PPHLN1: variants seen among roughly 807,000 people sequenced by gnomAD.
PPHLN1 encodes the protein periphilin 1, also known as periphilin-1.
A neutral mutation model predicts 51.3 loss-of-function variants in PPHLN1; 29 were observed. The observed-to-expected ratio is 0.57, with a 90% CI of 0.42 to 0.77. The LOEUF (loss-of-function observed/expected upper bound fraction) is 0.77. PPHLN1 is among the 30% of genes least tolerant of loss of function. The pLI is 0.00. For synonymous variants in PPHLN1, 147 were observed against 147.8 expected (o/e 0.99, Z 0.04); for missense variants, 436 against 438.4 (o/e 0.99, Z 0.05).
At chr12:42,446,326 AC>A (rs755409709), downstream of PPHLN1, 5 of 1,541,006 alleles carry the variant, frequency 3.2e-6, no homozygotes, top group Non-Finnish European at 2.6e-6. Context: ...TTTGCCTGTT[AC>A]CCGTACCTAC....
intron 4 of PPHLN1, among the ~76,000 whole-genome samples, chr12:42,366,974 G>T (rs7134895): frequency 1.1e-4 from 17 of 151,812 alleles, no homozygotes; most frequent in Non-Finnish European, 2.2e-4. Flanking sequence ...TTCTCTCTCT[G>T]TACACAGCCA....
intron 9 of PPHLN1, among the ~76,000 whole-genome samples, chr12:42,430,037 G>A (rs2081893134): frequency 6.6e-6 from 1 of 152,146 alleles, no homozygotes; most frequent in Non-Finnish European, 1.5e-5. Flanking sequence ...GGTAACCAAT[G>A]GCCGGGGGAG....
Position 42,326,189 on chromosome 12 carries a change from G to A in PPHLN1, c.-61G>A, listed in dbSNP as rs555488954. The A allele has an allele frequency of 2.0e-5, 3 of 152,464 alleles. No homozygotes were observed. The highest frequency in any genetic ancestry group is 2.9e-5 in the Non-Finnish European group (2 of 68,124). The allele number at this position is 152,464 out of a possible 1,614,324, so 9.4% of individuals were successfully genotyped here. Reference sequence around the variant, plus strand: ...CCTACCTGGGATAACGGCGGCGAGCGGACGGCTGCATTTACGGGGTCTCCC... The same window carrying A: ...CCTACCTGGGATAACGGCGGCGAGCAGACGGCTGCATTTACGGGGTCTCCC... On this transcript the variant is annotated 5_prime_UTR_variant, in exon 1 of 10. Transcript: ENST00000358314.
intron 4 of PPHLN1, among the ~76,000 whole-genome samples, chr12:42,372,808 C>G (rs2075923917): frequency 6.6e-6 from 1 of 152,162 alleles, no homozygotes; most frequent in Non-Finnish European, 1.5e-5. Flanking sequence ...ATAACATGCT[C>G]CCATCAAAAT....
intron 4 of PPHLN1, among the ~76,000 whole-genome samples, chr12:42,361,099 A>G (rs953514716): frequency 6.6e-6 from 1 of 152,014 alleles, no homozygotes; most frequent in African/African-American, 2.4e-5. Flanking sequence ...TTATGATAGT[A>G]TTAGGAGGTT....
intron 1 of PPHLN1, among the ~76,000 whole-genome samples, chr12:42,335,529 A>G (rs1275597040): frequency 6.6e-6 from 1 of 152,130 alleles, no homozygotes; most frequent in East Asian, 1.9e-4. Context: ...CATTTAAACG[A>G]TTCATTAAAA....
chr12:42,448,025 T>C (rs1030418762), downstream of PPHLN1: 1 of 151,986 alleles, frequency 6.6e-6, no homozygotes, highest in Non-Finnish European at 1.5e-5. Flanking sequence ...CCACCTTAGA[T>C]AGACTAAGAA....
At chr12:42,415,450 C>T (rs1028002884) in intron 9 of PPHLN1, among the ~76,000 whole-genome samples, 11 of 152,214 alleles carry the variant, frequency 7.2e-5, no homozygotes, top group Admixed American at 6.5e-4. Flanking sequence ...CGATTACAGG[C>T]GTGAGCCACC....
chr12:42,421,955 G>A (rs927652349), intron 9 of PPHLN1, among the ~76,000 whole-genome samples: 2 of 152,188 alleles, frequency 1.3e-5, no homozygotes, highest in Middle Eastern at 3.4e-3. Flanking sequence ...ATAAAAATAG[G>A]CTAGAAGCAA....
intron 8 of PPHLN1, among the ~76,000 whole-genome samples, chr12:42,397,298 C>T (rs2078328183): frequency 6.6e-6 from 1 of 152,126 alleles, no homozygotes; most frequent in Admixed American, 6.5e-5. Flanking sequence ...ACATTTTATG[C>T]CACTTTATAT....
chr12:42,400,738 CAG>C (rs561902707), intron 9 of PPHLN1, among the ~76,000 whole-genome samples: 57 of 151,750 alleles, frequency 3.8e-4, no homozygotes, highest in Non-Finnish European at 6.6e-4. Context: ...ATTGAAATAA[CAG>C]GGGAGAGCGA....
intron 3 of PPHLN1, 85 bp from the exon 4 acceptor site, chr12:42,355,076 T>C (rs1403174674): frequency 1.4e-5 from 17 of 1,247,626 alleles, no homozygotes; most frequent in Non-Finnish European, 1.9e-5. Flanking sequence ...GGAAATTCGG[T>C]CTAGTTTCTG....
intron 7 of PPHLN1, 24 bp from the exon 8 acceptor site, chr12:42,393,546 A>G (rs754470857): frequency 1.3e-6 from 2 of 1,556,318 alleles, no homozygotes; most frequent in African/African-American, 2.8e-5. Context: ...GAGAATTGTA[A>G]CAGAAATGTT....
At chr12:42,403,481 T>G (rs1193465947) in intron 9 of PPHLN1, among the ~76,000 whole-genome samples, 1 of 152,228 alleles carries the variant, frequency 6.6e-6, no homozygotes, top group African/African-American at 2.4e-5. Context: ...TATAAAGTTT[T>G]TATTTTAAGA....
At chr12:42,407,853 A>G (rs925141444) in intron 9 of PPHLN1, among the ~76,000 whole-genome samples, 2 of 152,192 alleles carry the variant, frequency 1.3e-5, no homozygotes, top group African/African-American at 4.8e-5. Context: ...AATTCAGTAC[A>G]TGTTCAGTAC....
At chr12:42,370,071 T>G (rs897136567) in intron 4 of PPHLN1, among the ~76,000 whole-genome samples, 1 of 152,264 alleles carries the variant, frequency 6.6e-6, no homozygotes, top group African/African-American at 2.4e-5. Context: ...ACTCTGAATT[T>G]CTGCTTTCTG....
At chr12:42,326,510 C>T (rs2068799854) in intron 1 of PPHLN1, among the ~76,000 whole-genome samples, 1 of 152,118 alleles carries the variant, frequency 6.6e-6, no homozygotes, top group Non-Finnish European at 1.5e-5. Context: ...GTCAGGAAGT[C>T]GGTAATTTTA....
In PPHLN1 at chr12:42,387,773, G is replaced by A. The variant is rs1051419147; in HGVS notation, c.648+238G>A. 3.9e-5 allele frequency among the ~76,000 whole-genome samples: 6 copies of A among 152,140 alleles called. No individual in the cohort carries two copies. In the South Asian group the frequency reaches 1.2e-3, roughly 31 times the overall value. On this transcript the variant is annotated intron_variant, in intron 7 of 9. Coordinates refer to ENST00000358314, the MANE Select transcript of PPHLN1 (RefSeq NM_201439.2). ...TTACTGTGTCTTTGTAGAAAGGGAAGACATAAGAAACTCCATTTTGACCTG... is the reference window on the plus strand; with the variant it reads ...TTACTGTGTCTTTGTAGAAAGGGAAAACATAAGAAACTCCATTTTGACCTG...
chr12:42,351,307 C>T (rs1488980390), intron 2 of PPHLN1: 1 of 152,190 alleles, frequency 6.6e-6, no homozygotes, highest in African/African-American at 2.4e-5. Context: ...AAAACATTAA[C>T]AAGGTATTCC....
Sources: gnomAD v4.1 joint callset for allele counts (sites outside exome capture counted in the v4.1 genomes callset) on GRCh38, gnomAD v4.1.1 for gene constraint, MANE v1.5 for transcripts, NCBI Gene and HGNC (gene_info 2026-07-23, HGNC 2026-07-21) for gene names.